MED12L: variants seen among roughly 807,000 people sequenced by gnomAD.
MED12L encodes mediator complex subunit 12L, also known as mediator of RNA polymerase II transcription subunit 12-like protein.
A neutral mutation model predicts 281.3 loss-of-function variants in MED12L; 60 were observed. The observed-to-expected ratio is 0.21, with a 90% CI of 0.17 to 0.26. The LOEUF (loss-of-function observed/expected upper bound fraction) is 0.26. Among genes scored for constraint, MED12L ranks in the 10% least tolerant of loss-of-function variants. MED12L has a pLI of 1.00. For missense variants in MED12L, 2,146 were observed against 2,680.9 expected (o/e 0.80, Z 4.41); for synonymous variants, 974 against 987.2 (o/e 0.99, Z 0.25).
chr3:151,403,575 A>G (rs76547795), intron 39 of MED12L, among the ~76,000 whole-genome samples: 4 of 152,166 alleles, frequency 2.6e-5, no homozygotes, highest in Non-Finnish European at 5.9e-5. Flanking sequence ...TTGTGCATGC[A>G]TGTCATAAGA....
chr3:151,375,028 A>G (rs897048676), intron 27 of MED12L, among the ~76,000 whole-genome samples: 3 of 152,236 alleles, frequency 2.0e-5, no homozygotes, highest in African/African-American at 7.2e-5. Context: ...CAGGCATGTT[A>G]TAACTATGGT....
intron 5 of MED12L, among the ~76,000 whole-genome samples, chr3:151,152,459 G>T (rs1464723331): frequency 1.3e-5 from 2 of 152,116 alleles, no homozygotes; most frequent in Non-Finnish European, 2.9e-5. Context: ...CTTATCCAGA[G>T]CATTGCCTGG....
chr3:151,309,746 C>G (rs1028857608), intron 16 of MED12L, among the ~76,000 whole-genome samples: 4 of 152,158 alleles, frequency 2.6e-5, no homozygotes, highest in East Asian at 3.8e-4. Flanking sequence ...TCCTTGCATC[C>G]TTTTATCTCC....
chr3:151,291,155 T>G (rs1442108313), intron 16 of MED12L, among the ~76,000 whole-genome samples: 4 of 135,354 alleles, frequency 3.0e-5, no homozygotes, highest in African/African-American at 8.0e-5. Flanking sequence ...TTTCTGTTTT[T>G]TTTTTTTTTT....
chr3:151,272,885 T>G (rs71623428), intron 16 of MED12L, among the ~76,000 whole-genome samples: 82 of 152,348 alleles, frequency 5.4e-4, no homozygotes, highest in Admixed American at 1.6e-3. Context: ...AGGGAGAGGT[T>G]AAGGAACACA....
rs1213781770 is a variant in MED12L, at chr3:151,213,658, G to A, written c.2250+19992G>A. The A allele has an allele frequency of 1.9e-6, 3 of 1,614,018 alleles. No individual in the cohort carries two copies. The African/African-American group carries it at 4.0e-5, about 22-fold the overall frequency. On this transcript the variant is annotated intron_variant, in intron 16 of 44. Transcript: ENST00000687756. ...TTTGACCGAAGTGGAATTCCGACTTGACTTAAGGTGGGACTTAAAGATTTT... is the reference window on the plus strand; with the variant it reads ...TTTGACCGAAGTGGAATTCCGACTTAACTTAAGGTGGGACTTAAAGATTTT...
chr3:151,152,735 C>G (rs868007363), intron 5 of MED12L, among the ~76,000 whole-genome samples: 3 of 152,152 alleles, frequency 2.0e-5, no homozygotes, highest in Admixed American at 6.5e-5. Context: ...AGGTAAATGC[C>G]TTGCTCCAGG....
At chr3:151,243,173 C>G (rs1734584244) in intron 16 of MED12L, among the ~76,000 whole-genome samples, 1 of 151,922 alleles carries the variant, frequency 6.6e-6, no homozygotes, top group Admixed American at 6.6e-5. Context: ...GAGAATGGAA[C>G]CAAGTTGGAA....
intron 16 of MED12L, among the ~76,000 whole-genome samples, chr3:151,280,506 G>T (rs73023050): frequency 0.044 from 6,622 of 152,196 alleles, 466 homozygotes; most frequent in African/African-American, 0.15. Flanking sequence ...CACTGCTACT[G>T]CCTTTATATG....
intron 11 of MED12L, among the ~76,000 whole-genome samples, chr3:151,181,457 C>T (rs1479807005): frequency 6.6e-6 from 1 of 151,342 alleles, no homozygotes; most frequent in Non-Finnish European, 1.5e-5. Flanking sequence ...GGCTCTGTTG[C>T]CTAGGCTAGC....
At chr3:151,191,076 G>A (rs755577006) in intron 14 of MED12L, 145 bp downstream of exon 14, 2 of 677,720 alleles carry the variant, frequency 3.0e-6, no homozygotes, top group Non-Finnish European at 4.9e-6. Flanking sequence ...TACTTCTCGA[G>A]CAGGAAAGAT....
intron 5 of MED12L, among the ~76,000 whole-genome samples, chr3:151,149,502 G>T (rs1438594396): frequency 1.3e-5 from 2 of 152,218 alleles, no homozygotes; most frequent in South Asian, 2.1e-4. Flanking sequence ...TCACTGAGTT[G>T]TAACCTTTTG....
At chr3:151,280,850 A>G (rs959310984) in intron 16 of MED12L, among the ~76,000 whole-genome samples, 1 of 151,810 alleles carries the variant, frequency 6.6e-6, no homozygotes, top group Non-Finnish European at 1.5e-5. Context: ...TTGGAGAAGT[A>G]ACTATTCCTT....
chr3:151,191,775 A>G (rs142950246), intron 14 of MED12L, among the ~76,000 whole-genome samples: 1,980 of 152,236 alleles, frequency 0.013, 35 homozygotes, highest in African/African-American at 0.039. Context: ...GCGTGGTGGC[A>G]CATGCCTGTA....
chr3:151,430,389 C>A lies in MED12L; in HGVS notation c.6490+9C>A. 6.2e-7 allele frequency: 1 copy of A among 1,613,860 alleles called. No individual in the cohort carries two copies. The highest frequency in any genetic ancestry group is 1.1e-5 in the South Asian group (1 of 91,060). On this transcript the variant is annotated intron_variant, in intron 44 of 44. Transcript: ENST00000687756. ...CCAGAAGCAGCTTTCCAGTAAGTAC[C>A]CCTGTGTGTCATGGAACAGACAGCT...
intron 32 of MED12L, 149 bp from the exon 33 acceptor site, chr3:151,382,507 G>C: frequency 2.0e-6 from 1 of 496,764 alleles, no homozygotes; most frequent in Non-Finnish European, 3.6e-6. Flanking sequence ...TTTCTGCATG[G>C]AGGAAGAAGA....
At chr3:151,168,937 T>A (rs1203483288) in intron 11 of MED12L, among the ~76,000 whole-genome samples, 1 of 152,132 alleles carries the variant, frequency 6.6e-6, no homozygotes, top group Admixed American at 6.6e-5. Flanking sequence ...TGCCTTGGAC[T>A]CTCAAAGTGC....
intron 11 of MED12L, among the ~76,000 whole-genome samples, chr3:151,169,143 A>C (rs1448214556): frequency 9.6e-6 from 1 of 103,934 alleles, no homozygotes; most frequent in Non-Finnish European, 1.8e-5. Context: ...TTTGAGACGG[A>C]GTCTCTGTCT....
At position 151,206,642 on chromosome 3, in the gene MED12L, C is replaced by CTTTTT. The variant is rs747558778; in HGVS notation, c.2250+12992_2250+12996dup. Among the ~76,000 whole-genome samples the CTTTTT allele has an allele frequency of 8.8e-4, 62 of 70,314 alleles. 23 individuals carry two copies. The highest frequency in any genetic ancestry group is 3.2e-3 in the African/African-American group (53 of 16,672). 46.1% of individuals were successfully genotyped at this position (70,314 alleles called of 152,430 possible). The stretch of plus-strand genomic sequence containing the variant: ...TATGAACTTATGACTAACACATTAT[C>CTTTTT]TTTTTTTTTTTTTTTTTTTTGAGAC... On this transcript the variant is annotated intron_variant, in intron 16 of 44. Coordinates refer to ENST00000687756, the MANE Select transcript of MED12L (RefSeq NM_001393769.1).
Sources: allele counts gnomAD v4.1 joint callset (sites outside exome capture counted in the v4.1 genomes callset), GRCh38; gene constraint gnomAD v4.1.1; transcripts MANE v1.5; gene names NCBI Gene and HGNC (gene_info 2026-07-23, HGNC 2026-07-21).